Variants in VWF observed in about 807,000 individuals in gnomAD.
VWF encodes the protein Factor VIII related antigen.
VWF carries 176 observed loss-of-function variants against 308.6 expected under a neutral mutation model. The ratio of observed to expected loss-of-function variants is 0.57; its 90% CI spans 0.50 to 0.65. The LOEUF (loss-of-function observed/expected upper bound fraction) is 0.65. Among genes scored for constraint, VWF ranks in the 30% least tolerant of loss-of-function variants. The pLI is 0.00. For synonymous variants in VWF, 1,385 were observed against 1,443.4 expected, an observed-to-expected ratio of 0.96 and a Z score of 0.92; for missense variants, 3,146 against 3,648.2, an observed-to-expected ratio of 0.86 and a Z score of 3.55.
chr12:6,100,494 A>T (rs1037227472), intron 5 of VWF, among the ~76,000 whole-genome samples: 2 of 151,448 alleles, frequency 1.3e-5, no homozygotes, highest in African/African-American at 2.5e-5. Context: ...AACCAACCCA[A>T]ATGTCCAACA....
At chr12:6,072,236 G>C in intron 9 of VWF, 95 bp downstream of exon 9, 1 of 1,155,588 alleles carries the variant, frequency 8.7e-7, no homozygotes, top group Admixed American at 1.8e-5. Context: ...GCACGGTCCA[G>C]GTTCTTTTCC....
At chr12:6,000,739 G>A (rs1300645155) in intron 34 of VWF, among the ~76,000 whole-genome samples, 1 of 148,950 alleles carries the variant, frequency 6.7e-6, no homozygotes, top group Non-Finnish European at 1.5e-5. Context: ...GTGAACCTGG[G>A]AGGCGGAGCT....
intron 43 of VWF, 83 bp downstream of exon 43, chr12:5,976,028 A>C: frequency 6.3e-7 from 1 of 1,586,200 alleles, no homozygotes; most frequent in South Asian, 1.1e-5. Context: ...AAAAAAAAGA[A>C]CCTTTCTTAC....
At chr12:6,116,216 A>G (rs922276497) in intron 3 of VWF, among the ~76,000 whole-genome samples, 1 of 152,200 alleles carries the variant, frequency 6.6e-6, no homozygotes, top group African/African-American at 2.4e-5. Flanking sequence ...GTCACCCCAA[A>G]GAGGCAAGAC....
chr12:6,093,177 G>T (rs1945069318), intron 6 of VWF, among the ~76,000 whole-genome samples: 2 of 152,190 alleles, frequency 1.3e-5, no homozygotes, highest in Non-Finnish European at 2.9e-5. Flanking sequence ...CTGTCAAGCA[G>T]AGCAGCTTTG....
At position 6,075,746 on chromosome 12, in the gene VWF, TAGACCA is replaced by T. The variant is rs1399356704; in HGVS notation, c.658-201_658-196del. Among the ~76,000 whole-genome samples, 2 of 152,234 alleles carry T rather than the reference TAGACCA, an allele frequency of 1.3e-5. No individual in the cohort carries two copies. The highest frequency in any genetic ancestry group is 4.8e-5 in the African/African-American group (2 of 41,468). ...GATGCTGGACCCGTGCAATGTGAAG[TAGACCA>T]AGGCTAAGGTTACATCCTAGACTGA... is the stretch of plus-strand genomic sequence containing the variant. On this transcript the variant is annotated intron_variant, in intron 6 of 51. Coordinates refer to ENST00000261405, the MANE Select transcript of VWF (RefSeq NM_000552.5). The surrounding 1 kb of genome is among the most constrained non-coding windows in gnomAD (Gnocchi z 4.7).
intron 16 of VWF, among the ~76,000 whole-genome samples, chr12:6,047,861 A>ACCC: frequency 6.6e-6 from 1 of 152,310 alleles, no homozygotes; most frequent in South Asian, 2.1e-4. Context: ...CCTGCTCCTT[A>ACCC]CCACCACAAA....
intron 5 of VWF, among the ~76,000 whole-genome samples, chr12:6,104,186 A>T (rs1396544474): frequency 1.3e-5 from 2 of 152,158 alleles, no homozygotes; most frequent in Non-Finnish European, 2.9e-5. Flanking sequence ...GGTCAACATA[A>T]CTTGTCATGA....
At chr12:6,053,301 G>C (rs899243974) in intron 15 of VWF, among the ~76,000 whole-genome samples, 1 of 152,182 alleles carries the variant, frequency 6.6e-6, no homozygotes, top group Non-Finnish European at 1.5e-5. Flanking sequence ...CTCATGCCGA[G>C]TTAGCTCTCA....
chr12:6,051,837 C>A (rs3887143), intron 16 of VWF, among the ~76,000 whole-genome samples: 40,838 of 151,762 alleles, frequency 0.27, 5,940 homozygotes, highest in Non-Finnish European at 0.33. Flanking sequence ...CTCTCAAACT[C>A]CCAGGCTCAA....
At chr12:6,050,953 CT>C (rs1944502203) in intron 16 of VWF, among the ~76,000 whole-genome samples, 1 of 128,428 alleles carries the variant, frequency 7.8e-6, no homozygotes, top group Admixed American at 7.4e-5. Context: ...AAAATTCAGT[CT>C]CAAAAAAAAA....
intron 13 of VWF, among the ~76,000 whole-genome samples, chr12:6,059,487 T>C (rs925586497): frequency 6.6e-6 from 1 of 152,206 alleles, no homozygotes; most frequent in African/African-American, 2.4e-5. Context: ...AGACAACTGA[T>C]ATTGATTGCC....
chr12:5,964,262 A>ACATACATACATACATACATACATG, intron 47 of VWF, among the ~76,000 whole-genome samples: 1 of 141,888 alleles, frequency 7.0e-6, no homozygotes, highest in Non-Finnish European at 1.5e-5. Context: ...ATACATACAT[A>ACATACATACATACATACATACATG]CATACATACA....
chr12:6,070,331 G>A (rs140955426), intron 10 of VWF, among the ~76,000 whole-genome samples: 1 of 152,276 alleles, frequency 6.6e-6, no homozygotes, highest in East Asian at 1.9e-4. Flanking sequence ...ATGAGGTCCT[G>A]AGTCATCCTA....
At chr12:5,951,296 C>T (rs1943187327) in intron 50 of VWF, among the ~76,000 whole-genome samples, 1 of 152,086 alleles carries the variant, frequency 6.6e-6, no homozygotes, top group Non-Finnish European at 1.5e-5. Flanking sequence ...TAAAGAGGAG[C>T]TCAGAGTGAA....
chr12:6,123,612 A>T (rs528626386), intron 1 of VWF, among the ~76,000 whole-genome samples: 1 of 152,198 alleles, frequency 6.6e-6, no homozygotes, highest in Non-Finnish European at 1.5e-5. Context: ...CCACCACAGC[A>T]GCCCAGACAT....
In VWF at chr12:6,031,444, C is replaced by T; in HGVS notation, c.2820G>A (p.Glu940=). 6.2e-7 allele frequency: 1 copy of T among 1,613,996 alleles called. No homozygotes were observed. Among genetic ancestry groups the T allele is most frequent in the East Asian group, 2.2e-5 (1 of 44,874 alleles). The change falls in exon 21 of 52, where the codon GAG becomes GAA. Residue 940 remains glutamate, a splice_region_variant and synonymous_variant. Transcript: ENST00000261405. Reference sequence around the variant, plus strand: ...AGGGTGGAGATGAGGCTGCACTTACCTCCCCGTCAAACAGCTCAATCTCTC... The same window carrying T: ...AGGGTGGAGATGAGGCTGCACTTACTTCCCCGTCAAACAGCTCAATCTCTC... ...EGGEIELFDG[E]VNVKRPMKDE...
At chr12:6,030,026 A>C (rs1176413135) in intron 21 of VWF, among the ~76,000 whole-genome samples, 2 of 152,202 alleles carry the variant, frequency 1.3e-5, no homozygotes, top group East Asian at 1.9e-4. Flanking sequence ...CACACACTGC[A>C]GGTTCAAGAA....
intron 47 of VWF, among the ~76,000 whole-genome samples, chr12:5,956,710 T>C (rs550895034): frequency 6.6e-6 from 1 of 151,510 alleles, no homozygotes; most frequent in Admixed American, 6.6e-5. Context: ...AGAATGAGGA[T>C]ATAAAGAAAA....
Sources: allele counts gnomAD v4.1 joint callset (sites outside exome capture counted in the v4.1 genomes callset), GRCh38; gene constraint gnomAD v4.1.1; non-coding constraint Gnocchi (gnomAD v3.1); transcripts MANE v1.5; gene names NCBI Gene and HGNC (gene_info 2026-07-23, HGNC 2026-07-21).